The following EHMT1 variants were observed in gnomAD, a reference collection of about 807,000 sequenced individuals.
EHMT1 encodes euchromatic histone lysine methyltransferase 1.
EHMT1 carries 15 observed loss-of-function variants against 147.2 expected under a neutral mutation model. The observed-to-expected ratio is 0.10, with a 90% confidence interval of 0.07 to 0.16. The LOEUF (loss-of-function observed/expected upper bound fraction) is 0.16, where lower values mean the gene tolerates loss of function less well. EHMT1 is among the 10% of genes least tolerant of loss of function. The probability of loss-of-function intolerance (pLI) is 1.00; values close to 1 mark genes in which losing one functional copy is unlikely to be tolerated. For synonymous variants in EHMT1, 795 were observed against 709.6 expected (o/e 1.12, Z -1.91); for missense variants, 1,587 against 1,772.4 (o/e 0.90, Z 1.88).
intron 1 of EHMT1, among the ~76,000 whole-genome samples, chr9:137,632,081 T>TA (rs1173533143): frequency 6.6e-6 from 1 of 152,082 alleles, no homozygotes; most frequent in Non-Finnish European, 1.5e-5. Context: ...CCTAGATGTG[T>TA]AATAGGTTTG....
chr9:137,717,975 G>C (rs1373176302), intron 3 of EHMT1, among the ~76,000 whole-genome samples: 1 of 152,262 alleles, frequency 6.6e-6, no homozygotes, highest in Non-Finnish European at 1.5e-5. Context: ...AGCAGAATGA[G>C]TCTTGAATCC....
intron 9 of EHMT1, among the ~76,000 whole-genome samples, chr9:137,762,367 C>G (rs898496299): frequency 1.3e-5 from 2 of 151,980 alleles, no homozygotes; most frequent in Admixed American, 6.6e-5. Flanking sequence ...GGAGCTACTG[C>G]CAGAGGTACC....
chr9:137,663,948 A>G (rs935360651), intron 1 of EHMT1, among the ~76,000 whole-genome samples: 26 of 152,228 alleles, frequency 1.7e-4, no homozygotes, highest in Admixed American at 1.3e-4. Context: ...ACTACAAACT[A>G]AGTACTATAT....
intron 3 of EHMT1, among the ~76,000 whole-genome samples, chr9:137,720,217 A>G (rs959561171): frequency 2.0e-5 from 3 of 152,030 alleles, no homozygotes; most frequent in African/African-American, 7.2e-5. Context: ...CCCCCACACC[A>G]GGGTCCCTGA....
chr9:137,814,963 C>T (rs917162831), intron 22 of EHMT1: 14 of 271,480 alleles, frequency 5.2e-5, no homozygotes, highest in South Asian at 2.0e-4. Context: ...TGCTGGTCCT[C>T]GGAGGAGCCC....
At chr9:137,777,771 G>A in intron 12 of EHMT1, 111 bp from the exon 13 acceptor site, 3 of 1,481,632 alleles carry the variant, frequency 2.0e-6, no homozygotes, top group South Asian at 1.1e-5. Context: ...TAAGCGGACA[G>A]TAAGCAAATC....
chr9:137,752,376 G>C lies in EHMT1; in HGVS notation c.1216G>C (p.Glu406Gln). 3.1e-6 allele frequency: 5 copies of C among 1,614,142 alleles called. No individual in the cohort carries two copies. Among genetic ancestry groups the C allele is most frequent in the Non-Finnish European group, 4.2e-6 (5 of 1,180,004 alleles). The change falls in exon 7 of 27, where the codon GAG (glutamate) becomes CAG (glutamine). Residue 406 changes from glutamate to glutamine, a missense_variant. Physicochemically the swap from Glu to Gln is conservative, Grantham distance 29 (BLOSUM62 2). This residue lies in a region of EHMT1 where 810 missense variants were observed against 673.0 expected (regional missense o/e 1.20). Coordinates refer to ENST00000460843, the MANE Select transcript of EHMT1 (RefSeq NM_024757.5). ...EEEQESVDTG[E>Q]EEEGGDESDL... ...GGAGCAGGAGTCCGTGGACACCGGGGAGGAGGAGGAAGGCGGTGACGAGTC... is the reference window on the plus strand; with the variant it reads ...GGAGCAGGAGTCCGTGGACACCGGGCAGGAGGAGGAAGGCGGTGACGAGTC...
chr9:137,702,185 C>T (rs1943896858), intron 1 of EHMT1, among the ~76,000 whole-genome samples: 1 of 152,196 alleles, frequency 6.6e-6, no homozygotes, highest in South Asian at 2.1e-4. Context: ...ACCTCGGCCT[C>T]CCAAAGTGCT....
chr9:137,729,607 TAA>T (rs1402399460), intron 4 of EHMT1, among the ~76,000 whole-genome samples: 1 of 152,104 alleles, frequency 6.6e-6, no homozygotes, highest in Non-Finnish European at 1.5e-5. Flanking sequence ...AAATTTTTTT[TAA>T]TTTAAGTATT....
At chr9:137,739,475 C>G (rs1209319525) in intron 4 of EHMT1, among the ~76,000 whole-genome samples, 7 of 152,166 alleles carry the variant, frequency 4.6e-5, no homozygotes, top group South Asian at 2.1e-4. Context: ...CAGGTCCCTG[C>G]TTGGTACAGT....
chr9:137,810,033 G>T (rs1456158329), intron 18 of EHMT1, among the ~76,000 whole-genome samples: 1 of 121,026 alleles, frequency 8.3e-6, no homozygotes, highest in Non-Finnish European at 1.5e-5. Context: ...GGGTCCGGAG[G>T]CGGTTCCGAT....
At chr9:137,815,448 C>G (rs1954843820) in intron 22 of EHMT1, 1 of 225,860 alleles carries the variant, frequency 4.4e-6, no homozygotes, top group Admixed American at 5.2e-5. Flanking sequence ...CGCCTCAGCT[C>G]ACACAGCCCT....
chr9:137,711,861 A>G (rs1017487938), intron 2 of EHMT1, among the ~76,000 whole-genome samples: 3 of 152,150 alleles, frequency 2.0e-5, no homozygotes, highest in Non-Finnish European at 2.9e-5. Flanking sequence ...GGACTTGCCT[A>G]AGGCTCTCCC....
intron 2 of EHMT1, among the ~76,000 whole-genome samples, chr9:137,715,386 C>T (rs1002320103): frequency 6.6e-6 from 1 of 152,220 alleles, no homozygotes; most frequent in Non-Finnish European, 1.5e-5. Context: ...TGCCAGGCCT[C>T]GTTCATGTGC....
At chr9:137,816,121 C>T (rs1269029110) in intron 23 of EHMT1, 59 bp downstream of exon 23, 14 of 1,460,546 alleles carry the variant, frequency 9.6e-6, no homozygotes, top group Admixed American at 1.9e-5. Flanking sequence ...CGTATTAGCA[C>T]GGAGGTCACC....
chr9:137,737,604 G>A (rs138784307), intron 4 of EHMT1, among the ~76,000 whole-genome samples: 1 of 152,240 alleles, frequency 6.6e-6, no homozygotes, highest in Admixed American at 6.5e-5. Flanking sequence ...ATTTGGCAGT[G>A]ATTTCTTGGA....
chr9:137,674,550 C>T (rs1380465084), intron 1 of EHMT1, among the ~76,000 whole-genome samples: 1 of 152,244 alleles, frequency 6.6e-6, no homozygotes, highest in East Asian at 1.9e-4. Flanking sequence ...AGCTGTGGCG[C>T]CGCCTGTGCC....
At chr9:137,643,508 C>T (rs1564533600) in intron 1 of EHMT1, among the ~76,000 whole-genome samples, 1 of 151,910 alleles carries the variant, frequency 6.6e-6, no homozygotes, top group Non-Finnish European at 1.5e-5. Flanking sequence ...GCCATCACGC[C>T]TGGCTAATTT....
intron 1 of EHMT1, among the ~76,000 whole-genome samples, chr9:137,671,511 C>G (rs530269892): frequency 7.0e-6 from 1 of 142,986 alleles, no homozygotes; most frequent in East Asian, 2.0e-4. Context: ...GAGTTGGATC[C>G]TTTTCTTTCT....
Sources: gnomAD v4.1 joint callset for allele counts (sites outside exome capture counted in the v4.1 genomes callset) on GRCh38, gnomAD v4.1.1 for gene constraint, gnomAD v4.1.1 regional missense constraint, MANE v1.5 for transcripts, NCBI Gene and HGNC (gene_info 2026-07-23, HGNC 2026-07-21) for gene names.